Variants in STEAP4 observed in about 807,000 individuals in gnomAD.
STEAP4 encodes metalloreductase STEAP4.
STEAP4 carries 36 observed loss-of-function variants against 43.6 expected under a neutral mutation model. The observed-to-expected ratio is 0.83, with a 90% CI of 0.63 to 1.09. The LOEUF (loss-of-function observed/expected upper bound fraction) is 1.09. Ranked by LOEUF, STEAP4 falls within the 50% of genes least tolerant of loss-of-function variation. The pLI is 0.00. For synonymous variants in STEAP4, 191 were observed against 196.7 expected, an observed-to-expected ratio of 0.97 and a Z score of 0.24; for missense variants, 495 against 546.5, an observed-to-expected ratio of 0.91 and a Z score of 0.94.
rs992795723 is a variant in STEAP4, at chr7:88,276,013, C to T, written c.*3385G>A. ...TCCAGTTGTGCAAGGCATTTAATGC[C>T]CAGTCACGCAGTCTGAATCCAACCT... is the stretch of plus-strand genomic sequence containing the variant. On this transcript the variant is annotated 3_prime_UTR_variant, in exon 5 of 5. Transcript: ENST00000380079. The T allele has an allele frequency of 6.6e-6, 1 of 152,132 alleles. No homozygotes were observed. Among genetic ancestry groups the T allele is most frequent in the Non-Finnish European group, 1.5e-5 (1 of 68,026 alleles). The allele number at this position is 152,132 out of a possible 1,614,324, so 9.4% of individuals were successfully genotyped here.
At chr7:88,295,532 T>C (rs1393218002) in intron 1 of STEAP4, among the ~76,000 whole-genome samples, 3 of 152,136 alleles carry the variant, frequency 2.0e-5, no homozygotes, top group Admixed American at 6.6e-5. Context: ...ACAGCCAAGC[T>C]TGAGAACCAT....
Position 88,283,040 on chromosome 7 carries a change from C to G in STEAP4, c.585G>C (p.Gln195His). 1 of 1,613,816 alleles carries G rather than the reference C, an allele frequency of 6.2e-7. No homozygotes were observed. The highest frequency in any genetic ancestry group is 1.1e-5 in the South Asian group (1 of 91,030). Reference protein sequence around the residue: ...AAKEIEKYPLQLFPMWRFPFY... With the variant: ...AAKEIEKYPLHLFPMWRFPFY... Reference sequence around the variant, plus strand: ...AGGGGAACCTCCACATTGGAAATAGCTGCAGGGGGTACTTTTCAATTTCTT... The same window carrying G: ...AGGGGAACCTCCACATTGGAAATAGGTGCAGGGGGTACTTTTCAATTTCTT... Residue 195 changes from glutamine to histidine, a missense_variant, in exon 3 of 5, where the codon CAG becomes CAC. By Grantham distance (24) the Gln-to-His change is conservative. Transcript: ENST00000380079.
rs1049574787 is a variant in STEAP4 at position 88,273,659 on chromosome 7, A to G, written c.*5739T>C. ...GCAATAAGGTGAGAAACCAGGGAAA[A>G]AGAAAATATTTGCCTTTAAGCTCTG... On this transcript the variant is annotated 3_prime_UTR_variant, in exon 5 of 5. Coordinates refer to ENST00000380079, the MANE Select transcript of STEAP4 (RefSeq NM_024636.4). 5 of 152,210 alleles carry G rather than the reference A, an allele frequency of 3.3e-5. No individual in the cohort carries two copies. Among genetic ancestry groups the G allele is most frequent in the African/African-American group, 4.8e-5 (2 of 41,460 alleles). The allele number at this position is 152,210 out of a possible 1,614,324, so 9.4% of individuals were successfully genotyped here. A position where few individuals can be genotyped will look rare whatever the true frequency, so the allele number is the denominator to read the frequency against.
At chr7:88,303,152 C>G (rs17350471) in intron 1 of STEAP4, among the ~76,000 whole-genome samples, 6,603 of 145,408 alleles carry the variant, frequency 0.045, 180 homozygotes, top group South Asian at 0.1. Flanking sequence ...GGAACTTTAT[C>G]CTGATGTTAG....
chr7:88,271,286 T>C lies in STEAP4; in HGVS notation c.*8112A>G, dbSNP rs960052762. 1 of 152,212 alleles carries C rather than the reference T, an allele frequency of 6.6e-6. No individual in the cohort carries two copies. Among genetic ancestry groups the C allele is most frequent in the Admixed American group, 6.5e-5 (1 of 15,272 alleles). The allele number at this position is 152,212 out of a possible 1,614,324, so 9.4% of individuals were successfully genotyped here. A position where few individuals can be genotyped will look rare whatever the true frequency, so the allele number is the denominator to read the frequency against. On this transcript the variant is annotated 3_prime_UTR_variant, in exon 5 of 5. Transcript: ENST00000380079. ...CAAAATGATATGAAAAGGTCTACAG[T>C]GCTTCTACTCCTGTCACTACTCCTC...
Position 88,283,890 on chromosome 7 carries a change from C to T in STEAP4, c.380G>A (p.Gly127Glu). The stretch of plus-strand genomic sequence containing the variant: ...GTTAAATGCTTTTACCACGTGGGCT[C>T]CTGGCACCAAATGAGCAAGGTACTC... ...NAEYLAHLVP[G>E]AHVVKAFNTI... Residue 127 changes from glycine (G) to glutamate (E), a missense_variant, in exon 2 of 5, where the codon GGA becomes GAA. Coordinates refer to ENST00000380079, the MANE Select transcript of STEAP4 (RefSeq NM_024636.4). 1.2e-6 allele frequency: 2 copies of T among 1,614,078 alleles called. No individual in the cohort carries two copies. The highest frequency in any genetic ancestry group is 1.7e-6 in the Non-Finnish European group (2 of 1,180,004).
intron 1 of STEAP4, among the ~76,000 whole-genome samples, chr7:88,286,807 ACG>A (rs1165140017): frequency 1.1e-3 from 115 of 109,510 alleles, no homozygotes; most frequent in African/African-American, 3.3e-3. Flanking sequence ...ACACACACAC[ACG>A]CAAACAATGT....
At position 88,271,078 on chromosome 7, in the gene STEAP4, A is replaced by G. The variant is rs572666446; in HGVS notation, c.*8320T>C. 1 of 152,120 alleles carries G rather than the reference A, an allele frequency of 6.6e-6. No homozygotes were observed. The highest frequency in any genetic ancestry group is 1.5e-5 in the Non-Finnish European group (1 of 67,992). The allele number at this position is 152,120 out of a possible 1,614,324, so 9.4% of individuals were successfully genotyped here. A position where few individuals can be genotyped will look rare whatever the true frequency, so the allele number is the denominator to read the frequency against. On this transcript the variant is annotated 3_prime_UTR_variant, in exon 5 of 5. Coordinates refer to ENST00000380079, the MANE Select transcript of STEAP4 (RefSeq NM_024636.4). ...TGAGAACATTCAATATCCTCCTTCT[A>G]GCTATTTAGAATATATATTATTGTT...
chr7:88,283,912 A>C lies in STEAP4; in HGVS notation c.358T>G (p.Tyr120Asp). 6.2e-7 allele frequency: 1 copy of C among 1,614,080 alleles called. No homozygotes were observed. The highest frequency in any genetic ancestry group is 8.5e-7 in the Non-Finnish European group (1 of 1,179,998). Residue 120 changes from tyrosine to aspartate, a missense_variant, in exon 2 of 5, where the codon TAC becomes GAC. Tyr to Asp is a radical substitution (Grantham distance 160). Coordinates refer to ENST00000380079, the MANE Select transcript of STEAP4 (RefSeq NM_024636.4). ...GCTCCTGGCACCAAATGAGCAAGGT[A>C]CTCTGCATTAGATTCTGGATATTGA... Reference protein sequence around the residue: ...INQYPESNAEYLAHLVPGAHV... With the variant: ...INQYPESNAEDLAHLVPGAHV...
chr7:88,303,675 A>G (rs1029022477), intron 1 of STEAP4, among the ~76,000 whole-genome samples: 1 of 152,192 alleles, frequency 6.6e-6, no homozygotes, highest in African/African-American at 2.4e-5. Flanking sequence ...TACTTCCTTT[A>G]GTAGAATAGT....
In STEAP4 at chr7:88,283,043, C is replaced by T; in HGVS notation, c.582G>A (p.Leu194=). The part of the protein sequence containing the change: ...MAAKEIEKYP[L]QLFPMWRFPF... ...GGAACCTCCACATTGGAAATAGCTG[C>T]AGGGGGTACTTTTCAATTTCTTTGG... The change falls in exon 3 of 5, where the codon CTG becomes CTA. Residue 194 remains leucine (L), a synonymous_variant. Transcript: ENST00000380079. The T allele has an allele frequency of 6.2e-7, 1 of 1,613,678 alleles. No individual in the cohort carries two copies. The highest frequency in any genetic ancestry group is 8.5e-7 in the Non-Finnish European group (1 of 1,179,804).
chr7:88,302,033 A>G (rs78965563), intron 1 of STEAP4, among the ~76,000 whole-genome samples: 175 of 152,350 alleles, frequency 1.1e-3, no homozygotes, highest in African/African-American at 4.1e-3. Context: ...AATTTCAACT[A>G]TTCACTTTAT....
Position 88,282,751 on chromosome 7 carries a change from G to A in STEAP4, c.874C>T (p.Gln292Ter), listed in dbSNP as rs1241936279. ...AATCCCAGAGCTACCAAGCCAAGCT[G>A]CTTTCGGCAAAGCATCCAGTGGTCA... Reference protein sequence around the residue: ...WLDHWMLCRKQLGLVALGFAF... With the variant: ...WLDHWMLCRK Residue 292 changes from glutamine (Q) to a stop codon, truncating the protein, a stop_gained, in exon 3 of 5, where the codon CAG (glutamine) becomes TAG (stop). Coordinates refer to ENST00000380079, the MANE Select transcript of STEAP4 (RefSeq NM_024636.4). LOFTEE classifies it high-confidence loss of function. 3 of 1,614,138 alleles carry A rather than the reference G, an allele frequency of 1.9e-6. No homozygotes were observed. The highest frequency in any genetic ancestry group is 2.5e-6 in the Non-Finnish European group (3 of 1,180,024).
chr7:88,294,262 A>G (rs1049654463), intron 1 of STEAP4, among the ~76,000 whole-genome samples: 1 of 152,170 alleles, frequency 6.6e-6, no homozygotes, highest in African/African-American at 2.4e-5. Flanking sequence ...TGTTTTATGC[A>G]CAAACCTATT....
Position 88,271,374 on chromosome 7 carries a change from A to G in STEAP4, c.*8024T>C, listed in dbSNP as rs1218592715. 6.6e-6 allele frequency: 1 copy of G among 152,200 alleles called. No individual in the cohort carries two copies. Among genetic ancestry groups the G allele is most frequent in the African/African-American group, 2.4e-5 (1 of 41,454 alleles). 9.4% of individuals were successfully genotyped at this position (152,200 alleles called of 1,614,324 possible). A position where few individuals can be genotyped will look rare whatever the true frequency, so the allele number is the denominator to read the frequency against. On this transcript the variant is annotated 3_prime_UTR_variant, in exon 5 of 5. Transcript: ENST00000380079. ...CTTCTGAGAGTTTCTTTAGGCAATT[A>G]AAAGCAAATACACATATGCAAAAGG...
In STEAP4 at chr7:88,278,314, C is replaced by T. The variant is rs1255810876; in HGVS notation, c.*1084G>A. 1.1e-4 allele frequency: 16 copies of T among 152,188 alleles called. No homozygotes were observed. Among genetic ancestry groups the T allele is most frequent in the Admixed American group, 9.2e-4 (14 of 15,278 alleles). 9.4% of individuals were successfully genotyped at this position (152,188 alleles called of 1,614,324 possible). A position where few individuals can be genotyped will look rare whatever the true frequency, so the allele number is the denominator to read the frequency against. On this transcript the variant is annotated 3_prime_UTR_variant, in exon 5 of 5. Transcript: ENST00000380079. ...CACATAATGATGAATCTTCACACCT[C>T]TCTGCCCTATGATTTTCCGTAATTT...
intron 4 of STEAP4, 109 bp from the exon 5 acceptor site, chr7:88,279,737 A>G (rs1852585412): frequency 2.2e-6 from 2 of 913,054 alleles, no homozygotes; most frequent in Admixed American, 5.0e-5. Flanking sequence ...TTTGAGACCT[A>G]TAATGTTTAG....
rs916678361 is a variant in STEAP4, at chr7:88,281,424, T to C, written c.985-345A>G. On this transcript the variant is annotated intron_variant, in intron 3 of 4. Transcript: ENST00000380079. ...TGTTCTCAAACAATTACATCAGAAT[T>C]CTGTTTTTCTGCTTTATATGTGGAT... 11 of 172,794 alleles carry C rather than the reference T, an allele frequency of 6.4e-5. No homozygotes were observed. In the East Asian group the frequency reaches 1.8e-3, roughly 28 times the overall value. The allele number at this position is 172,794 out of a possible 1,614,324, so 10.7% of individuals were successfully genotyped here.
chr7:88,305,822 G>T (rs1449265369), intron 1 of STEAP4, among the ~76,000 whole-genome samples: 2 of 152,306 alleles, frequency 1.3e-5, no homozygotes, highest in East Asian at 3.9e-4. Context: ...CCAGTAGCCA[G>T]CCTTTTATTT....
Sources: allele counts gnomAD v4.1 joint callset (sites outside exome capture counted in the v4.1 genomes callset), GRCh38; gene constraint gnomAD v4.1.1; transcripts MANE v1.5; gene names NCBI Gene and HGNC (gene_info 2026-07-23, HGNC 2026-07-21).